Variants in SGCD observed in about 807,000 individuals in gnomAD.
The protein encoded by SGCD is delta-sarcoglycan.
In SGCD, 18 loss-of-function variants were observed where a neutral mutation model predicts 36.6. The observed-to-expected ratio is 0.49, with a 90% CI of 0.34 to 0.73. SGCD has a LOEUF of 0.73. Ranked by LOEUF, SGCD falls within the 30% of genes least tolerant of loss-of-function variation. The pLI, the probability that SGCD is intolerant of heterozygous loss-of-function variation, is 0.01. For missense variants in SGCD, 387 were observed against 346.7 expected, an observed-to-expected ratio of 1.12 and a Z score of -0.92; for synonymous variants, 133 against 130.6, an observed-to-expected ratio of 1.02 and a Z score of -0.12.
intron 3 of SGCD, among the ~76,000 whole-genome samples, chr5:156,489,100 T>G (rs758197758): frequency 6.6e-6 from 1 of 151,926 alleles, no homozygotes; most frequent in Non-Finnish European, 1.5e-5. Context: ...AAAACACACT[T>G]TAAATCAAAA....
intron 3 of SGCD, among the ~76,000 whole-genome samples, chr5:156,467,997 C>T (rs1345971726): frequency 6.6e-6 from 1 of 152,142 alleles, no homozygotes; most frequent in Non-Finnish European, 1.5e-5. Flanking sequence ...GCTCACTCTG[C>T]AGTGTTAGGA....
Position 155,935,775 on chromosome 5 carries a change from C to T in SGCD, c.-282+65351C>T, listed in dbSNP as rs185580336. Among the ~76,000 whole-genome samples the T allele has an allele frequency of 1.4e-4, 22 of 152,274 alleles. No individual in the cohort carries two copies. The East Asian group carries it at 3.7e-3, about 25-fold the overall frequency. ...CAGTGGTGCTTTTGCATGAGTTTTG[C>T]TCGGGCCCACTGGGACCACTCAGCC... is the stretch of plus-strand genomic sequence containing the variant. On this transcript the variant is annotated intron_variant, in intron 1 of 9. Transcript: ENST00000517913.
At chr5:156,469,049 G>A (rs1187731920) in intron 3 of SGCD, among the ~76,000 whole-genome samples, 2 of 152,090 alleles carry the variant, frequency 1.3e-5, no homozygotes, top group Non-Finnish European at 2.9e-5. Flanking sequence ...ATGGTGCAAA[G>A]TTCCTGACAT....
At chr5:155,875,607 A>AT (rs1755748713) in intron 1 of SGCD, among the ~76,000 whole-genome samples, 1 of 149,362 alleles carries the variant, frequency 6.7e-6, no homozygotes, top group Admixed American at 6.7e-5. Flanking sequence ...TCAATTTATT[A>AT]TTTTTAGATA....
upstream of SGCD, among the ~76,000 whole-genome samples, chr5:156,324,139 G>T (rs910253690): frequency 6.6e-6 from 1 of 152,178 alleles, no homozygotes; most frequent in East Asian, 1.9e-4. Context: ...GTGATGGTAA[G>T]ACTGGTTCCA....
chr5:156,125,839 T>TTTTTTATTATTA (rs1762156436), intron 3 of SGCD, among the ~76,000 whole-genome samples: 1 of 131,484 alleles, frequency 7.6e-6, no homozygotes, highest in Non-Finnish European at 1.6e-5. Flanking sequence ...CACTCATTCT[T>TTTTTTATTATTA]TTATTATTAT....
At chr5:156,052,846 C>T (rs1759957078) in intron 1 of SGCD, among the ~76,000 whole-genome samples, 1 of 146,382 alleles carries the variant, frequency 6.8e-6, no homozygotes, top group Non-Finnish European at 1.5e-5. Flanking sequence ...GGATATTTGC[C>T]AGACAAAGTC....
chr5:156,190,319 C>T (rs898533048), intron 3 of SGCD, among the ~76,000 whole-genome samples: 1 of 152,116 alleles, frequency 6.6e-6, no homozygotes, highest in Non-Finnish European at 1.5e-5. Context: ...AATTCAAAAA[C>T]TAGTGACCCA....
intron 3 of SGCD, among the ~76,000 whole-genome samples, chr5:156,276,872 T>C (rs1219692433): frequency 6.6e-6 from 1 of 152,172 alleles, no homozygotes; most frequent in Non-Finnish European, 1.5e-5. Flanking sequence ...TTACATAACA[T>C]CCCTCTAGTG....
chr5:156,755,691 G>A (rs191747507), intron 7 of SGCD, among the ~76,000 whole-genome samples: 13 of 152,336 alleles, frequency 8.5e-5, no homozygotes, highest in Admixed American at 4.6e-4. Context: ...GGTCTTAAGA[G>A]GAGGGGAGGT....
intron 3 of SGCD, among the ~76,000 whole-genome samples, chr5:156,256,308 G>A (rs1055100972): frequency 1.9e-4 from 29 of 152,172 alleles, no homozygotes; most frequent in Middle Eastern, 3.4e-3. Context: ...ATTTCCCAGC[G>A]GAAATCTCCC....
At chr5:156,156,974 A>C (rs1451273520) in intron 3 of SGCD, among the ~76,000 whole-genome samples, 2 of 151,668 alleles carry the variant, frequency 1.3e-5, no homozygotes, top group East Asian at 3.9e-4. Flanking sequence ...CTGATCCTTG[A>C]CAAATTTTAG....
chr5:155,981,591 G>A (rs749284900), intron 1 of SGCD, among the ~76,000 whole-genome samples: 7 of 152,204 alleles, frequency 4.6e-5, no homozygotes, highest in African/African-American at 9.6e-5. Context: ...TGCCCTTTAC[G>A]TTTTCAACCT....
intron 3 of SGCD, 73 bp from the exon 4 acceptor site, chr5:156,508,527 GT>G: frequency 2.4e-6 from 2 of 830,504 alleles, no homozygotes; most frequent in South Asian, 1.6e-5. Context: ...CTATAACTAC[GT>G]TTTTTACAGC....
At chr5:155,730,059 T>G in the SGCD span, among the ~76,000 whole-genome samples, 1 of 152,030 alleles carries the variant, frequency 6.6e-6, no homozygotes, top group Middle Eastern at 3.2e-3. Context: ...CAAGGGCAGG[T>G]ATGGGCATAC....
At chr5:156,383,216 G>C (rs767491519) in intron 3 of SGCD, among the ~76,000 whole-genome samples, 36 of 152,122 alleles carry the variant, frequency 2.4e-4, no homozygotes, top group Non-Finnish European at 4.7e-4. Flanking sequence ...TAGAAATAGA[G>C]GTATTGGCCG....
At chr5:156,161,447 C>T (rs1763085505) in intron 3 of SGCD, among the ~76,000 whole-genome samples, 1 of 151,804 alleles carries the variant, frequency 6.6e-6, no homozygotes, top group African/African-American at 2.4e-5. Context: ...AGTCACAGGA[C>T]TAAGAACTAT....
chr5:156,109,029 G>C (rs1429825326), intron 1 of SGCD, among the ~76,000 whole-genome samples: 2 of 152,118 alleles, frequency 1.3e-5, no homozygotes, highest in African/African-American at 4.8e-5. Context: ...CCCTATTTTA[G>C]AGCATTTGTC....
At chr5:155,976,135 G>A (rs1469651539) in intron 1 of SGCD, among the ~76,000 whole-genome samples, 1 of 152,110 alleles carries the variant, frequency 6.6e-6, no homozygotes, top group Non-Finnish European at 1.5e-5. Flanking sequence ...CTGTAAGACA[G>A]ATGCACACTG....
Sources: gnomAD v4.1 joint callset for allele counts (sites outside exome capture counted in the v4.1 genomes callset) on GRCh38, gnomAD v4.1.1 for gene constraint, MANE v1.5 for transcripts, NCBI Gene and HGNC (gene_info 2026-07-23, HGNC 2026-07-21) for gene names.